KNL1: variants seen among roughly 807,000 people sequenced by gnomAD.
KNL1 encodes outer kinetochore KNL1 complex subunit KNL1.
In KNL1, 66 loss-of-function variants were observed where a neutral mutation model predicts 201.3. The observed-to-expected ratio is 0.33, with a 90% confidence interval of 0.27 to 0.40. The LOEUF (loss-of-function observed/expected upper bound fraction) is 0.40. Ranked by LOEUF, KNL1 falls within the 10% of genes least tolerant of loss-of-function variation. KNL1 has a pLI of 1.00. For synonymous variants in KNL1, 895 were observed against 899.2 expected (o/e 1.00, Z 0.08); for missense variants, 2,815 against 2,690.5 (o/e 1.05, Z -1.02).
At chr15:40,611,122 T>G (rs989338160) in intron 6 of KNL1, among the ~76,000 whole-genome samples, 2 of 133,256 alleles carry the variant, frequency 1.5e-5, no homozygotes, top group South Asian at 4.7e-4. Flanking sequence ...TTTTTTTTTT[T>G]GAGACAGAGT....
In KNL1 at chr15:40,659,467, T is replaced by G; in HGVS notation, c.6836+6T>G. The stretch of plus-strand genomic sequence containing the variant: ...AATCACGTTGGGAACACTAGGTGAG[T>G]AAAGGGCCAACAGGGTAAGACTCTG... On this transcript the variant is annotated splice_donor_region_variant and intron_variant, in intron 25 of 25. Transcript: ENST00000399668. 1 of 1,611,592 alleles carries G rather than the reference T, an allele frequency of 6.2e-7. No individual in the cohort carries two copies. Among genetic ancestry groups the G allele is most frequent in the Non-Finnish European group, 8.5e-7 (1 of 1,178,726 alleles).
rs369161366 is a variant in KNL1, at chr15:40,659,399, C to G, written c.6774C>G (p.Leu2258=). The G allele has an allele frequency of 6.2e-7, 1 of 1,613,528 alleles. No individual in the cohort carries two copies. Among genetic ancestry groups the G allele is most frequent in the Non-Finnish European group, 8.5e-7 (1 of 1,179,460 alleles). ...AFAKFEITLF[L]SAYYPSVPLP... ...CAAAGTTTGAAATAACTTTGTTTCTCTCAGCCTATTATCCATCTGTACCAT... is the reference window on the plus strand; with the variant it reads ...CAAAGTTTGAAATAACTTTGTTTCTGTCAGCCTATTATCCATCTGTACCAT... Residue 2258 remains leucine (L), a synonymous_variant, in exon 25 of 26, where the codon CTC becomes CTG. Transcript: ENST00000399668.
chr15:40,606,502 T>G (rs1224634741), intron 4 of KNL1, 50 bp downstream of exon 4: 1 of 1,071,014 alleles, frequency 9.3e-7, no homozygotes, highest in Admixed American at 1.8e-5. Flanking sequence ...CAGTTATATT[T>G]TTAAGTCAAG....
At chr15:40,595,559 T>C (rs1339376597) in intron 1 of KNL1, among the ~76,000 whole-genome samples, 1 of 152,216 alleles carries the variant, frequency 6.6e-6, no homozygotes, top group Non-Finnish European at 1.5e-5. Context: ...TTAAAATGTT[T>C]GGAATGGTAG....
intron 21 of KNL1, among the ~76,000 whole-genome samples, chr15:40,653,680 A>G (rs1893638389): frequency 6.6e-6 from 1 of 152,176 alleles, no homozygotes; most frequent in Admixed American, 6.5e-5. Context: ...TGATCAAAGT[A>G]TTTGATCTAG....
At position 40,622,698 on chromosome 15, in the gene KNL1, C is replaced by A; in HGVS notation, c.2434C>A (p.Pro812Thr). 6.3e-7 allele frequency: 1 copy of A among 1,589,892 alleles called. No homozygotes were observed. Among genetic ancestry groups the A allele is most frequent in the Non-Finnish European group, 8.5e-7 (1 of 1,171,160 alleles). ...AVKVEKCGKS[P>T]IEKSGVLKSN... ...AAAAGTTGAAAAATGTGGTAAAAGTCCCATAGAAAAAAGTGGAGTGCTTAA... is the reference window on the plus strand; with the variant it reads ...AAAAGTTGAAAAATGTGGTAAAAGTACCATAGAAAAAAGTGGAGTGCTTAA... Residue 812 changes from proline (P) to threonine (T), a missense_variant, in exon 10 of 26, where the codon CCC (proline) becomes ACC (threonine). Transcript: ENST00000399668.
At position 40,610,291 on chromosome 15, in the gene KNL1, A is replaced by G; in HGVS notation, c.244A>G (p.Met82Val). 6.7e-7 allele frequency: 1 copy of G among 1,497,068 alleles called. No individual in the cohort carries two copies. The highest frequency in any genetic ancestry group is 9.3e-7 in the Non-Finnish European group (1 of 1,074,346). The allele number at this position is 1,497,068 out of a possible 1,614,324, so 92.7% of individuals were successfully genotyped here. A position where few individuals can be genotyped will look rare whatever the true frequency, so the allele number is the denominator to read the frequency against. ...TATGAAAATAGTGAGAAAGTCAGAAATGGAAGGTAAGTATGTTACTATAAT... is the reference window on the plus strand; with the variant it reads ...TATGAAAATAGTGAGAAAGTCAGAAGTGGAAGGTAAGTATGTTACTATAAT... ...SHMKIVRKSEMEETETGENLL... is the reference protein window; with the variant it reads ...SHMKIVRKSEVEETETGENLL... The change falls in exon 6 of 26, where the codon ATG (methionine) becomes GTG (valine). Residue 82 changes from methionine to valine, a missense_variant. Coordinates refer to ENST00000399668, the MANE Select transcript of KNL1 (RefSeq NM_144508.5).
rs76809550 is a variant in KNL1 at position 40,621,258 on chromosome 15, G to C, written c.994G>C (p.Ala332Pro). Residue 332 changes from alanine (A) to proline (P), a missense_variant, in exon 10 of 26, where the codon GCA becomes CCA. Ala to Pro is a conservative substitution (Grantham distance 27, BLOSUM62 -1). Coordinates refer to ENST00000399668, the MANE Select transcript of KNL1 (RefSeq NM_144508.5). Reference sequence around the variant, plus strand: ...TAACCACACTTTGCAGATCTTACCTGCAACAGGTAATTTTTCTGAAATAGA... The same window carrying C: ...TAACCACACTTTGCAGATCTTACCTCCAACAGGTAATTTTTCTGAAATAGA... ...TFNHTLQILP[A>P]TGNFSEIENQ... 1.4e-5 allele frequency: 22 copies of C among 1,613,924 alleles called. No homozygotes were observed. In the East Asian group the frequency reaches 4.9e-4, roughly 36 times the overall value.
chr15:40,662,864 G>A lies in KNL1; in HGVS notation c.*676G>A, dbSNP rs1893949464. On this transcript the variant is annotated 3_prime_UTR_variant, in exon 26 of 26. Coordinates refer to ENST00000399668, the MANE Select transcript of KNL1 (RefSeq NM_144508.5). Reference sequence around the variant, plus strand: ...GGTCCCAGCTACTTAGGAGCTTAAGGCAGGAGGATCACTTGAGCCCAGGAG... The same window carrying A: ...GGTCCCAGCTACTTAGGAGCTTAAGACAGGAGGATCACTTGAGCCCAGGAG... 1.1e-5 allele frequency: 2 copies of A among 176,064 alleles called. No individual in the cohort carries two copies. Among genetic ancestry groups the A allele is most frequent in the South Asian group, 4.0e-4 (2 of 5,016 alleles). The allele number at this position is 176,064 out of a possible 1,614,324, so 10.9% of individuals were successfully genotyped here.
intron 13 of KNL1, among the ~76,000 whole-genome samples, chr15:40,638,044 G>T (rs929520301): frequency 6.6e-6 from 1 of 151,912 alleles, no homozygotes; most frequent in Non-Finnish European, 1.5e-5. Context: ...AGCCGGGCCT[G>T]GCAGCATATG....
chr15:40,651,362 C>A, intron 19 of KNL1, 109 bp from the exon 20 acceptor site: 1 of 503,924 alleles, frequency 2.0e-6, no homozygotes, highest in Non-Finnish European at 3.4e-6. Flanking sequence ...ATTATTACCT[C>A]AATGGGGAGT....
chr15:40,632,691 A>G (rs953909444), intron 13 of KNL1, among the ~76,000 whole-genome samples: 2 of 152,176 alleles, frequency 1.3e-5, no homozygotes, highest in Admixed American at 6.5e-5. Flanking sequence ...TATCCAAAAT[A>G]TATAAAGAAC....
chr15:40,625,298 A>T lies in KNL1; in HGVS notation c.5034A>T (p.Thr1678=), dbSNP rs1595928568. Residue 1678 remains threonine (T), a synonymous_variant, in exon 10 of 26, where the codon ACA becomes ACT. Coordinates refer to ENST00000399668, the MANE Select transcript of KNL1 (RefSeq NM_144508.5). ...IDDLEQIPAD[T]TDINHLETQP... ...ACCTGGAACAGATTCCAGCAGACAC[A>T]ACTGATATAAATCACTTAGAAACTC... The T allele has an allele frequency of 5.0e-6, 8 of 1,614,032 alleles. No individual in the cohort carries two copies. The East Asian group carries it at 1.8e-4, about 36-fold the overall frequency.
intron 1 of KNL1, among the ~76,000 whole-genome samples, chr15:40,594,625 C>T (rs148808726): frequency 9.6e-4 from 147 of 152,350 alleles, no homozygotes; most frequent in African/African-American, 3.5e-3. Flanking sequence ...TCCGCCTGCA[C>T]CTCGGCCCCT....
intron 17 of KNL1, among the ~76,000 whole-genome samples, chr15:40,648,996 ATT>A (rs370353042): frequency 7.0e-6 from 1 of 142,764 alleles, no homozygotes; most frequent in African/African-American, 2.6e-5. Flanking sequence ...GGCCCTGCTA[ATT>A]TTTTTTTTTT....
At chr15:40,659,259 G>C in intron 24 of KNL1, 80 bp from the exon 25 acceptor site, 1 of 1,226,668 alleles carries the variant, frequency 8.2e-7, no homozygotes, top group Non-Finnish European at 1.1e-6. Context: ...GCAAGACTCC[G>C]TCTCAAAAAA....
At chr15:40,605,198 T>C in intron 3 of KNL1, 49 bp downstream of exon 3, 2 of 1,024,176 alleles carry the variant, frequency 2.0e-6, no homozygotes, top group African/African-American at 1.6e-5. Flanking sequence ...TATTTAATGA[T>C]AACCATATAT....
intron 21 of KNL1, among the ~76,000 whole-genome samples, chr15:40,653,055 C>A (rs1291803165): frequency 6.6e-6 from 1 of 152,124 alleles, no homozygotes; most frequent in Non-Finnish European, 1.5e-5. Flanking sequence ...TTGAAAGTTT[C>A]TTTTCTCAAT....
chr15:40,648,841 T>A (rs1165716262), intron 17 of KNL1, among the ~76,000 whole-genome samples: 1 of 150,632 alleles, frequency 6.6e-6, no homozygotes, highest in Non-Finnish European at 1.5e-5. Context: ...TTTTTTTTTT[T>A]TTTTTTGAGA....
Sources: gnomAD v4.1 joint callset for allele counts (sites outside exome capture counted in the v4.1 genomes callset) on GRCh38, gnomAD v4.1.1 for gene constraint, MANE v1.5 for transcripts, NCBI Gene and HGNC (gene_info 2026-07-23, HGNC 2026-07-21) for gene names.